CNTNAP2: variants seen among roughly 807,000 people sequenced by gnomAD.
CNTNAP2 encodes contactin-associated protein-like 2.
CNTNAP2 carries 98 observed loss-of-function variants against 155.2 expected under a neutral mutation model. The observed-to-expected ratio is 0.63, with a 90% CI of 0.54 to 0.75. CNTNAP2 has a LOEUF of 0.75. CNTNAP2 is among the 30% of genes least tolerant of loss of function. CNTNAP2 has a pLI of 0.00. For synonymous variants in CNTNAP2, 651 were observed against 631.2 expected, an observed-to-expected ratio of 1.03 and a Z score of -0.47; for missense variants, 1,727 against 1,688.1, an observed-to-expected ratio of 1.02 and a Z score of -0.40.
chr7:146,971,095 A>G (rs1353815495), intron 3 of CNTNAP2, among the ~76,000 whole-genome samples: 1 of 152,132 alleles, frequency 6.6e-6, no homozygotes, highest in Non-Finnish European at 1.5e-5. Flanking sequence ...TTTAGGAGAT[A>G]TACCTAATGC....
chr7:147,248,444 A>G (rs764777716), intron 8 of CNTNAP2, among the ~76,000 whole-genome samples: 3 of 152,192 alleles, frequency 2.0e-5, no homozygotes, highest in Admixed American at 1.3e-4. Context: ...AGTGAGCAGC[A>G]TGGAGACATT....
At chr7:148,170,072 A>T (rs996289830) in intron 17 of CNTNAP2, among the ~76,000 whole-genome samples, 3 of 152,232 alleles carry the variant, frequency 2.0e-5, no homozygotes, top group African/African-American at 7.2e-5. Context: ...TCATAGAAAA[A>T]TGAAAAAGGC....
At chr7:147,818,010 T>A (rs1002626211) in intron 13 of CNTNAP2, among the ~76,000 whole-genome samples, 1 of 152,062 alleles carries the variant, frequency 6.6e-6, no homozygotes, top group African/African-American at 2.4e-5. Context: ...ATTCATTATA[T>A]CATCTTTTCT....
At chr7:148,247,154 G>C (rs773957883) in intron 20 of CNTNAP2, among the ~76,000 whole-genome samples, 1 of 152,124 alleles carries the variant, frequency 6.6e-6, no homozygotes, top group Non-Finnish European at 1.5e-5. Flanking sequence ...AATAATTTTA[G>C]AATCAGATTG....
Position 146,721,889 on chromosome 7 carries a change from A to ATATATATT in CNTNAP2, c.98-52381_98-52380insATATATTT. Among the ~76,000 whole-genome samples the ATATATATT allele has an allele frequency of 8.8e-4, 61 of 69,698 alleles. 3 individuals carry two copies. Among genetic ancestry groups the ATATATATT allele is most frequent in the African/African-American group, 2.7e-3 (14 of 5,254 alleles). 45.7% of individuals were successfully genotyped at this position (69,698 alleles called of 152,430 possible). On this transcript the variant is annotated intron_variant, in intron 1 of 23. Coordinates refer to ENST00000361727, the MANE Select transcript of CNTNAP2 (RefSeq NM_014141.6). ...TGTGTGTGTGTGTATATATATATAT[A>ATATATATT]TTTTTTTTTTTTTTTTTGAGATGGA... is the stretch of plus-strand genomic sequence containing the variant.
chr7:147,630,389 G>C (rs1795065798), intron 12 of CNTNAP2, among the ~76,000 whole-genome samples: 1 of 149,664 alleles, frequency 6.7e-6, no homozygotes, highest in Admixed American at 6.7e-5. Context: ...AATTCTAACG[G>C]ACATTCAAAG....
At chr7:146,895,010 G>A (rs1795846533) in intron 3 of CNTNAP2, among the ~76,000 whole-genome samples, 1 of 152,074 alleles carries the variant, frequency 6.6e-6, no homozygotes, top group South Asian at 2.1e-4. Context: ...TAATTATTTA[G>A]CATTTATATT....
chr7:146,404,580 A>G (rs1426114314), intron 1 of CNTNAP2, among the ~76,000 whole-genome samples: 4 of 152,122 alleles, frequency 2.6e-5, no homozygotes, highest in African/African-American at 7.2e-5. Flanking sequence ...GTGCAAATCA[A>G]CTTGCCACAA....
intron 21 of CNTNAP2, among the ~76,000 whole-genome samples, chr7:148,300,944 G>A (rs1249550634): frequency 6.6e-6 from 1 of 152,082 alleles, no homozygotes; most frequent in African/African-American, 2.4e-5. Context: ...GATGGGTGGT[G>A]GTGATGGTGC....
chr7:147,338,939 A>G (rs1265414974), intron 9 of CNTNAP2, among the ~76,000 whole-genome samples: 1 of 152,120 alleles, frequency 6.6e-6, no homozygotes, highest in Non-Finnish European at 1.5e-5. Context: ...TTTTTCATGT[A>G]CCATTTACTT....
Position 146,127,733 on chromosome 7 carries a change from A to G in CNTNAP2, c.97+10760A>G, listed in dbSNP as rs528821679. On this transcript the variant is annotated intron_variant, in intron 1 of 23. Coordinates refer to ENST00000361727, the MANE Select transcript of CNTNAP2 (RefSeq NM_014141.6). ...TCTGCATGCAAATTAAAGACGTGTC[A>G]ACAAAATAATTATTGCATCTAACAA... Among the ~76,000 whole-genome samples the G allele has an allele frequency of 7.9e-5, 12 of 152,316 alleles. No individual in the cohort carries two copies. The East Asian group carries it at 1.9e-3, about 25-fold the overall frequency.
chr7:147,992,033 GA>G (rs1174708200), intron 15 of CNTNAP2, among the ~76,000 whole-genome samples: 2 of 148,064 alleles, frequency 1.4e-5, no homozygotes, highest in African/African-American at 5.0e-5. Flanking sequence ...CTATCATCAG[GA>G]TAAAAAAATT....
At chr7:148,342,803 C>T (rs1798257847) in intron 21 of CNTNAP2, among the ~76,000 whole-genome samples, 1 of 152,154 alleles carries the variant, frequency 6.6e-6, no homozygotes, top group Admixed American at 6.5e-5. Flanking sequence ...TAAAGTAAGC[C>T]CTTTTAGAAA....
At chr7:148,013,277 A>G (rs1802114021) in intron 15 of CNTNAP2, 1 of 152,216 alleles carries the variant, frequency 6.6e-6, no homozygotes, top group African/African-American at 2.4e-5. Flanking sequence ...CTAAAATATC[A>G]CTAAACCTCT....
At chr7:146,947,132 A>G (rs1485335015) in intron 3 of CNTNAP2, among the ~76,000 whole-genome samples, 6 of 151,714 alleles carry the variant, frequency 4.0e-5, no homozygotes, top group Non-Finnish European at 8.8e-5. Context: ...CCCATGTACG[A>G]GTAGTTCTCT....
intron 3 of CNTNAP2, among the ~76,000 whole-genome samples, chr7:146,853,694 A>G (rs1422681054): frequency 2.0e-5 from 3 of 151,996 alleles, no homozygotes; most frequent in Admixed American, 1.3e-4. Context: ...ATTATACCAT[A>G]TTTAAGAAGA....
intron 3 of CNTNAP2, among the ~76,000 whole-genome samples, chr7:146,926,182 A>T (rs1328434099): frequency 6.6e-6 from 1 of 152,098 alleles, no homozygotes; most frequent in African/African-American, 2.4e-5. Flanking sequence ...TAAATAACTA[A>T]CCATGAATTC....
At chr7:147,981,265 T>A (rs2116869861) in intron 15 of CNTNAP2, among the ~76,000 whole-genome samples, 1 of 152,338 alleles carries the variant, frequency 6.6e-6, no homozygotes, top group Middle Eastern at 3.4e-3. Context: ...CTGAGCCAAT[T>A]GTTGATTAAA....
chr7:146,834,126 A>G (rs1803569454), intron 2 of CNTNAP2, among the ~76,000 whole-genome samples: 1 of 152,086 alleles, frequency 6.6e-6, no homozygotes, highest in Admixed American at 6.6e-5. Flanking sequence ...ATCCAGGCAT[A>G]TAGTCTCTGG....
Sources: allele counts gnomAD v4.1 joint callset (sites outside exome capture counted in the v4.1 genomes callset), GRCh38; gene constraint gnomAD v4.1.1; transcripts MANE v1.5; gene names NCBI Gene and HGNC (gene_info 2026-07-23, HGNC 2026-07-21).